The following FANCG variants were observed in gnomAD, a reference collection of about 807,000 sequenced individuals.
FANCG encodes FA complementation group G.
A neutral mutation model predicts 73.3 loss-of-function variants in FANCG; 67 were observed. That is an observed-to-expected ratio of 0.91 (90% CI 0.75 to 1.12). FANCG has a LOEUF of 1.12. FANCG is among the 50% of genes most tolerant of loss of function. FANCG has a pLI of 0.00. For synonymous variants in FANCG, 297 were observed against 311.6 expected, an observed-to-expected ratio of 0.95 and a Z score of 0.49; for missense variants, 643 against 735.6, an observed-to-expected ratio of 0.87 and a Z score of 1.46.
Position 35,077,033 on chromosome 9 carries a change from G to A in FANCG, c.715C>T (p.Leu239=), listed in dbSNP as rs1317642688. ...TGGACCAACACAGGCCGTGGACACA[G>A]GCCTGAGGCCGCTTCATGAAGGCTG... ...LSSLHEAASG[L]CPRPVLVQVY... The change falls in exon 6 of 14, where the codon CTG becomes TTG. Residue 239 remains leucine (L), a synonymous_variant. Transcript: ENST00000378643. The A allele has an allele frequency of 1.9e-6, 3 of 1,614,284 alleles. No individual in the cohort carries two copies. In the South Asian group the frequency reaches 3.3e-5, roughly 18 times the overall value.
rs34821298 is a variant in FANCG, at chr9:35,078,722, C to A, written c.190G>T (p.Val64Phe). The change falls in exon 3 of 14, where the codon GTT becomes TTT. Residue 64 changes from valine (V) to phenylalanine (F), a missense_variant. Transcript: ENST00000378643. ...GTCAGCTCCAAGGGAAGAACAGGAA[C>A]AGCTGCAGGGAGCCCTGGAGCAACA... Reference protein sequence around the residue: ...LHSLQGLPAAVPVLPLELTVT... With the variant: ...LHSLQGLPAAFPVLPLELTVT... 3 of 1,614,042 alleles carry A rather than the reference C, an allele frequency of 1.9e-6. No homozygotes were observed. Among genetic ancestry groups the A allele is most frequent in the Non-Finnish European group, 2.5e-6 (3 of 1,180,024 alleles).
chr9:35,076,576 T>C lies in FANCG; in HGVS notation c.932A>G (p.Asn311Ser). 6.2e-7 allele frequency: 1 copy of C among 1,614,194 alleles called. No individual in the cohort carries two copies. The change falls in exon 8 of 14, where the codon AAT becomes AGT. Residue 311 changes from asparagine to serine, a missense_variant. Physicochemically the swap from Asn to Ser is conservative, Grantham distance 46. Transcript: ENST00000378643. ...ESLELLVEAL[N>S]VPCSSKAPQF... The stretch of plus-strand genomic sequence containing the variant: ...CGGGGCTTTGGAACTGCATGGGACA[T>C]TCAAGGCCTAAAAGAGAAAGAAAAA...
intron 2 of FANCG, 72 bp downstream of exon 2, chr9:35,079,079 A>G: frequency 7.4e-7 from 1 of 1,342,914 alleles, no homozygotes; most frequent in South Asian, 1.2e-5. Flanking sequence ...TATCGATCCC[A>G]AAAACGCAGG....
intron 1 of FANCG, 76 bp from the exon 2 acceptor site, chr9:35,079,317 T>A (rs779196740): frequency 2.3e-5 from 36 of 1,542,194 alleles, no homozygotes; most frequent in Non-Finnish European, 3.0e-5. Flanking sequence ...AGGGATGCAT[T>A]CTCCAGTCAT....
chr9:35,076,284 G>T (rs1245400648), intron 8 of FANCG, 148 bp downstream of exon 8: 1 of 943,420 alleles, frequency 1.1e-6, no homozygotes, highest in East Asian at 2.5e-5. Context: ...TTCAGGTCTA[G>T]AAGCAAGGTA....
At chr9:35,075,138 C>A (rs1829058684) in intron 11 of FANCG, 56 bp from the exon 12 acceptor site, 6 of 1,611,590 alleles carry the variant, frequency 3.7e-6, no homozygotes, top group Non-Finnish European at 4.2e-6. Flanking sequence ...GTCACCAAAA[C>A]CCCAAATCCT....
chr9:35,078,567 A>C, intron 3 of FANCG, 38 bp downstream of exon 3: 1 of 1,614,066 alleles, frequency 6.2e-7, no homozygotes, highest in Non-Finnish European at 8.5e-7. Context: ...CCCAGACTGA[A>C]GATGGCAGGG....
rs1304686615 is a variant in FANCG at position 35,078,134 on chromosome 9, C to G, written c.510+7G>C. On this transcript the variant is annotated splice_region_variant and intron_variant, in intron 4 of 13. Coordinates refer to ENST00000378643, the MANE Select transcript of FANCG (RefSeq NM_004629.2). The stretch of plus-strand genomic sequence containing the variant: ...GACCCTCAGCTTCAGGTCACTTTCC[C>G]TATTACCTGGCTGCCATTCAGGGTC... 1 of 1,613,582 alleles carries G rather than the reference C, an allele frequency of 6.2e-7. No individual in the cohort carries two copies. Among genetic ancestry groups the G allele is most frequent in the Admixed American group, 1.7e-5 (1 of 60,008 alleles).
rs1587140122 is a variant in FANCG, at chr9:35,075,603, G to A, written c.1295C>T (p.Ser432Phe). Residue 432 changes from serine to phenylalanine, a missense_variant, in exon 10 of 14, where the codon TCC becomes TTC. Coordinates refer to ENST00000378643, the MANE Select transcript of FANCG (RefSeq NM_004629.2). ...TTTTCTGGCATCTTCCCACAGCCGG[G>A]ACATCTTGGGTAGCAGAGATGATGT... The part of the protein sequence containing the change: ...SRTSSLLPKM[S>F]RLWEDARKGT... 6.2e-7 allele frequency: 1 copy of A among 1,614,124 alleles called. No individual in the cohort carries two copies. The highest frequency in any genetic ancestry group is 2.2e-5 in the East Asian group (1 of 44,876).
At position 35,074,521 on chromosome 9, in the gene FANCG, TCTTAGAACTTG is replaced by T. The variant is rs368746906; in HGVS notation, c.1637-38_1637-28del. ...TGTAGCCCCAGCCCAGAGTACAGAGTCTTAGAACTTGACATAGTCTTAGGCATTGTTTTATA... is the reference window on the plus strand; with the variant it reads ...TGTAGCCCCAGCCCAGAGTACAGAGTACATAGTCTTAGGCATTGTTTTATA... On this transcript the variant is annotated intron_variant, in intron 12 of 13. Transcript: ENST00000378643. The T allele has an allele frequency of 2.8e-3, 4,510 of 1,613,356 alleles. 6 individuals carry two copies. Among genetic ancestry groups the T allele is most frequent in the Non-Finnish European group, 3.5e-3 (4,104 of 1,179,684 alleles).
intron 7 of FANCG, 24 bp from the exon 8 acceptor site, chr9:35,076,607 T>A (rs767013203): frequency 1.7e-5 from 27 of 1,614,032 alleles, no homozygotes; most frequent in Non-Finnish European, 2.1e-5. Flanking sequence ...AAAAAAATTG[T>A]ATCTATAATC....
At position 35,075,760 on chromosome 9, in the gene FANCG, G is replaced by A. The variant is rs753098419; in HGVS notation, c.1144-6C>T. 1.3e-6 allele frequency: 2 copies of A among 1,534,106 alleles called. No individual in the cohort carries two copies. The highest frequency in any genetic ancestry group is 1.4e-5 in the African/African-American group (1 of 73,286). On this transcript the variant is annotated splice_polypyrimidine_tract_variant and splice_region_variant and intron_variant, in intron 9 of 13. Coordinates refer to ENST00000378643, the MANE Select transcript of FANCG (RefSeq NM_004629.2). ...GGGGAGGGGGGTGGGGAGAACTGGA[G>A]TGGGAAGAAGAAGCAGTGTCTTGAA...
chr9:35,074,643 C>T (rs1331428949), intron 12 of FANCG, 149 bp from the exon 13 acceptor site: 4 of 1,080,474 alleles, frequency 3.7e-6, no homozygotes, highest in East Asian at 2.6e-5. Context: ...CAACCATTCC[C>T]ATCCCAGTGT....
At chr9:35,075,785 A>T in intron 9 of FANCG, 31 bp from the exon 10 acceptor site, 2 of 1,588,730 alleles carry the variant, frequency 1.3e-6, no homozygotes, top group Non-Finnish European at 8.6e-7. Context: ...AGTGTCTTGA[A>T]AGGCATGAGC....
chr9:35,079,459 C>G lies in FANCG; in HGVS notation c.66G>C (p.Arg22=). ...CLDLWREKND[R]LVRQAKVAQN... The stretch of plus-strand genomic sequence containing the variant: ...GTGTTACCTTGGCCTGTCGAACGAG[C>G]CGGTCATTCTTTTCCCTCCACAGGT... Residue 22 remains arginine, a synonymous_variant, in exon 1 of 14, where the codon CGG becomes CGC. Coordinates refer to ENST00000378643, the MANE Select transcript of FANCG (RefSeq NM_004629.2). The G allele has an allele frequency of 1.9e-6, 3 of 1,614,176 alleles. No homozygotes were observed. The highest frequency in any genetic ancestry group is 1.1e-5 in the South Asian group (1 of 91,088).
intron 8 of FANCG, 98 bp from the exon 9 acceptor site, chr9:35,076,126 T>A (rs558235519): frequency 3.1e-6 from 4 of 1,271,258 alleles, no homozygotes; most frequent in Middle Eastern, 1.8e-4. Context: ...TGGATGTTCA[T>A]GGGCCCTGAG....
chr9:35,077,238 A>C (rs532480338), intron 5 of FANCG, 26 bp downstream of exon 5: 1 of 1,614,228 alleles, frequency 6.2e-7, no homozygotes, highest in Non-Finnish European at 8.5e-7. Flanking sequence ...TAAAGGTAGA[A>C]GAGATGAGTC....
chr9:35,077,800 C>T (rs921895790), intron 4 of FANCG, among the ~76,000 whole-genome samples: 2 of 151,830 alleles, frequency 1.3e-5, no homozygotes, highest in Non-Finnish European at 2.9e-5. Context: ...CTCTGTCACC[C>T]AGGCTGCAGG....
rs77152961 is a variant in FANCG, at chr9:35,075,305, C to T, written c.1454G>A (p.Arg485Gln). The change falls in exon 11 of 14, where the codon CGG becomes CAG. Residue 485 changes from arginine (R) to glutamine (Q), a missense_variant. By Grantham distance (43) the Arg-to-Gln change is conservative (BLOSUM62 1). Coordinates refer to ENST00000378643, the MANE Select transcript of FANCG (RefSeq NM_004629.2). ...TTGTTCTTTTTCCTCAGGTGTGGCC[C>T]GGAAGAGCAGCTCGAGGCACCTGAA... is the stretch of plus-strand genomic sequence containing the variant. Reference protein sequence around the residue: ...EFSRCLELLFRATPEEKEQGA... With the variant: ...EFSRCLELLFQATPEEKEQGA... 2.6e-5 allele frequency: 42 copies of T among 1,614,092 alleles called. No individual in the cohort carries two copies. The highest frequency in any genetic ancestry group is 2.1e-4 in the African/African-American group (16 of 74,994).
Sources: gnomAD v4.1 joint callset for allele counts (sites outside exome capture counted in the v4.1 genomes callset) on GRCh38, gnomAD v4.1.1 for gene constraint, MANE v1.5 for transcripts, NCBI Gene and HGNC (gene_info 2026-07-23, HGNC 2026-07-21) for gene names.